Variants in CNTNAP3B observed in about 807,000 individuals in gnomAD.
CNTNAP3B encodes contactin-associated protein-like 3B.
CNTNAP3B carries 25 observed loss-of-function variants against 108.9 expected under a neutral mutation model. The ratio of observed to expected loss-of-function variants is 0.23; its 90% CI spans 0.17 to 0.32. CNTNAP3B has a LOEUF of 0.32. Among genes scored for constraint, CNTNAP3B ranks in the 10% least tolerant of loss-of-function variants. The pLI is 1.00. For missense variants in CNTNAP3B, 252 were observed against 1,210.4 expected (o/e 0.21, Z 11.75); for synonymous variants, 103 against 473.4 (o/e 0.22, Z 10.16).
chr9:42,000,091 C>T lies in CNTNAP3B; in HGVS notation c.539-1487G>A, dbSNP rs1587190165. 1.5e-5 allele frequency among the ~76,000 whole-genome samples: 2 copies of T among 132,604 alleles called. 1 individual carries two copies. The highest frequency in any genetic ancestry group is 4.6e-4 in the East Asian group (2 of 4,354). 87.0% of individuals were successfully genotyped at this position (132,604 alleles called of 152,430 possible). On this transcript the variant is annotated intron_variant, in intron 4 of 23. Transcript: ENST00000377561. ...TTACTAGTACTTTTTGCATGGCTATCCATTTCATTCACAGTATCTGAAATA... is the reference window on the plus strand; with the variant it reads ...TTACTAGTACTTTTTGCATGGCTATTCATTTCATTCACAGTATCTGAAATA...
At chr9:41,931,689 C>A (rs1447672385) in intron 14 of CNTNAP3B, among the ~76,000 whole-genome samples, 72 of 150,648 alleles carry the variant, frequency 4.8e-4, no homozygotes, top group African/African-American at 1.7e-3. Flanking sequence ...TTAGAGTGGA[C>A]TGATGGTAGA....
chr9:42,115,438 G>A (rs146892237), intron 1 of CNTNAP3B, among the ~76,000 whole-genome samples: 4,681 of 138,862 alleles, frequency 0.034, 1,120 homozygotes, highest in African/African-American at 0.13. Context: ...TGACCCCTGC[G>A]TAGCCTAACT....
chr9:41,969,042 C>A (rs576199593), intron 10 of CNTNAP3B, among the ~76,000 whole-genome samples: 10 of 152,400 alleles, frequency 6.6e-5, no homozygotes, highest in African/African-American at 2.4e-4. Context: ...GTGATCCGCC[C>A]GCCTTGGCCT....
intron 1 of CNTNAP3B, among the ~76,000 whole-genome samples, chr9:42,128,173 T>C (rs1828613023): frequency 7.2e-6 from 1 of 138,906 alleles, no homozygotes; most frequent in Non-Finnish European, 1.5e-5. Context: ...ATGTGCAATG[T>C]TGTGTAAACA....
chr9:42,078,491 A>C (rs1191551182), intron 2 of CNTNAP3B, among the ~76,000 whole-genome samples: 1 of 138,966 alleles, frequency 7.2e-6, no homozygotes, highest in African/African-American at 2.9e-5. Context: ...ATATAAATAT[A>C]ATTTTTGTTT....
At position 41,964,651 on chromosome 9, in the gene CNTNAP3B, G is replaced by T. The variant is rs748380966; in HGVS notation, c.1650-7C>A. 27 of 1,478,182 alleles carry T rather than the reference G, an allele frequency of 1.8e-5. No homozygotes were observed. The highest frequency in any genetic ancestry group is 2.5e-5 in the East Asian group (1 of 40,778). The allele number at this position is 1,478,182 out of a possible 1,614,324, so 91.6% of individuals were successfully genotyped here. Reference sequence around the variant, plus strand: ...ACAGTAGCTGGGCAAGCACCTAAAAGAAAACAGATACAACTGCTGTTTCCC... The same window carrying T: ...ACAGTAGCTGGGCAAGCACCTAAAATAAAACAGATACAACTGCTGTTTCCC... On this transcript the variant is annotated splice_polypyrimidine_tract_variant and splice_region_variant and intron_variant, in intron 10 of 23. Transcript: ENST00000377561.
At chr9:42,047,500 G>T (rs1189406941) in intron 3 of CNTNAP3B, among the ~76,000 whole-genome samples, 1 of 97,862 alleles carries the variant, frequency 1.0e-5, no homozygotes, top group Non-Finnish European at 2.0e-5. Flanking sequence ...TAAATAGAAA[G>T]AAATGAGTCT....
chr9:41,948,249 A>T (rs949910026), intron 13 of CNTNAP3B, among the ~76,000 whole-genome samples: 11 of 146,910 alleles, frequency 7.5e-5, no homozygotes, highest in African/African-American at 2.5e-4. Flanking sequence ...GTGCCACCAC[A>T]CCCAACTAAT....
intron 12 of CNTNAP3B, among the ~76,000 whole-genome samples, chr9:41,955,599 T>C (rs1824833068): frequency 6.6e-6 from 1 of 152,258 alleles, no homozygotes; most frequent in Non-Finnish European, 1.5e-5. Flanking sequence ...GGCACCTTCA[T>C]AGTTTACTGC....
chr9:41,986,288 A>T lies in CNTNAP3B; in HGVS notation c.1357T>A (p.Trp453Arg). 9.1e-7 allele frequency: 1 copy of T among 1,096,468 alleles called. No individual in the cohort carries two copies. The highest frequency in any genetic ancestry group is 1.2e-6 in the Non-Finnish European group (1 of 816,708). The allele number at this position is 1,096,468 out of a possible 1,614,324, so 67.9% of individuals were successfully genotyped here. ...TAGAGLNDGQWHSVSFSAKWS... is the reference protein window; with the variant it reads ...TAGAGLNDGQRHSVSFSAKWS... ...TTGGCAGAGAAGGATACAGAGTGCC[A>T]CTGCCCATCGTTTAATCCAGCACCT... The change falls in exon 9 of 24, where the codon TGG becomes AGG. Residue 453 changes from tryptophan (W) to arginine (R), a missense_variant. Transcript: ENST00000377561.
intron 1 of CNTNAP3B, among the ~76,000 whole-genome samples, chr9:42,125,665 G>GTTT (rs200934708): frequency 2.9e-4 from 34 of 118,942 alleles, no homozygotes; most frequent in Middle Eastern, 4.0e-3. Context: ...TACATTTTTT[G>GTTT]TTTTTTTTTT....
At chr9:41,938,874 T>C (rs1824240774) in intron 13 of CNTNAP3B, among the ~76,000 whole-genome samples, 1 of 152,288 alleles carries the variant, frequency 6.6e-6, no homozygotes, top group South Asian at 2.1e-4. Flanking sequence ...TCTCTGTCAG[T>C]ACTTACTAAT....
chr9:42,099,721 G>A lies in CNTNAP3B; in HGVS notation c.196+4908C>T, dbSNP rs1265576096. 2.7e-5 allele frequency among the ~76,000 whole-genome samples: 3 copies of A among 110,612 alleles called. 1 individual carries two copies. Among genetic ancestry groups the A allele is most frequent in the Non-Finnish European group, 5.6e-5 (3 of 53,752 alleles). The allele number at this position is 110,612 out of a possible 152,430, so 72.6% of individuals were successfully genotyped here. A position where few individuals can be genotyped will look rare whatever the true frequency, so the allele number is the denominator to read the frequency against. ...TGGTTAGTTATTGTACATTCATTTTGCAACTTTAAAAAGGAGCAATTGCAG... is the reference window on the plus strand; with the variant it reads ...TGGTTAGTTATTGTACATTCATTTTACAACTTTAAAAAGGAGCAATTGCAG... On this transcript the variant is annotated intron_variant, in intron 2 of 23. Transcript: ENST00000377561.
chr9:42,097,960 T>C (rs1450017775), intron 2 of CNTNAP3B, among the ~76,000 whole-genome samples: 1 of 137,242 alleles, frequency 7.3e-6, no homozygotes, highest in East Asian at 2.2e-4. Flanking sequence ...GAGGGGGAGA[T>C]CCATGGAAAT....
At position 42,002,769 on chromosome 9, in the gene CNTNAP3B, G is replaced by T. The variant is rs1826025991; in HGVS notation, c.539-4165C>A. ...TGGTCCAGAATGACTTCTAAGAAAG[G>T]ATAAGGAAGGAGTCTACCTTCTTTA... is the stretch of plus-strand genomic sequence containing the variant. On this transcript the variant is annotated intron_variant, in intron 4 of 23. Coordinates refer to ENST00000377561, the MANE Select transcript of CNTNAP3B (RefSeq NM_001201380.3). 1.5e-5 allele frequency among the ~76,000 whole-genome samples: 2 copies of T among 132,716 alleles called. 1 individual carries two copies. Among genetic ancestry groups the T allele is most frequent in the African/African-American group, 6.1e-5 (2 of 32,870 alleles). The allele number at this position is 132,716 out of a possible 152,430, so 87.1% of individuals were successfully genotyped here.
At chr9:41,968,981 A>T (rs1451430580) in intron 10 of CNTNAP3B, among the ~76,000 whole-genome samples, 3 of 152,260 alleles carry the variant, frequency 2.0e-5, no homozygotes, top group African/African-American at 4.8e-5. Flanking sequence ...CATTTTTAGT[A>T]GAGACGGGGT....
rs571010219 is a variant in CNTNAP3B at position 42,108,347 on chromosome 9, T to C, written c.86-3608A>G. Among the ~76,000 whole-genome samples, 96 of 137,072 alleles carry C rather than the reference T, an allele frequency of 7.0e-4. 13 individuals are homozygous for C. The highest frequency in any genetic ancestry group is 1.1e-3 in the Non-Finnish European group (74 of 64,496). 89.9% of individuals were successfully genotyped at this position (137,072 alleles called of 152,430 possible). On this transcript the variant is annotated intron_variant, in intron 1 of 23. Transcript: ENST00000377561. ...TGCTACATAGGTATATTTTATATTA[T>C]TGTTCTCCTAGAAGATCATGGTTGA...
chr9:41,950,589 G>C (rs1198507987), intron 13 of CNTNAP3B, among the ~76,000 whole-genome samples: 1 of 143,772 alleles, frequency 7.0e-6, no homozygotes, highest in Non-Finnish European at 1.5e-5. Context: ...TTATGCAAAT[G>C]AATCTAGAGA....
chr9:41,926,823 A>T (rs1179314318), intron 15 of CNTNAP3B: 9 of 152,422 alleles, frequency 5.9e-5, no homozygotes, highest in Admixed American at 2.0e-4. Flanking sequence ...TATCCTGAAG[A>T]GTCTCACAAA....
Sources: allele counts gnomAD v4.1 joint callset (sites outside exome capture counted in the v4.1 genomes callset), GRCh38; gene constraint gnomAD v4.1.1; transcripts MANE v1.5; gene names NCBI Gene and HGNC (gene_info 2026-07-23, HGNC 2026-07-21).